Variants in EDC4 observed in about 807,000 individuals in gnomAD.
The protein encoded by EDC4 is enhancer of mRNA-decapping protein 4.
In EDC4, 64 loss-of-function variants were observed where a neutral mutation model predicts 155.8. The ratio of observed to expected loss-of-function variants is 0.41; its 90% CI spans 0.34 to 0.51. The LOEUF (loss-of-function observed/expected upper bound fraction) is 0.51. Among genes scored for constraint, EDC4 ranks in the 20% least tolerant of loss-of-function variants. EDC4 has a pLI of 0.19. For missense variants in EDC4, 1,303 were observed against 1,812.5 expected (o/e 0.72, Z 5.10); for synonymous variants, 684 against 716.8 (o/e 0.95, Z 0.73).
intron 1 of EDC4, chr16:67,873,546 G>A: frequency 2.3e-6 from 1 of 437,032 alleles, no homozygotes; most frequent in South Asian, 5.3e-5. Context: ...AGGCTGTTCT[G>A]CCTTGTCCTT....
In EDC4 at chr16:67,880,063, G is replaced by A; in HGVS notation, c.1944G>A (p.Arg648=). The A allele has an allele frequency of 2.5e-6, 4 of 1,598,140 alleles. No individual in the cohort carries two copies. The highest frequency in any genetic ancestry group is 3.4e-6 in the Non-Finnish European group (4 of 1,169,718). Reference sequence around the variant, plus strand: ...TGACACCTCAGCCTTCCCCCACCAGGCCACCTGAGGAGCTGACCTTGAGCC... The same window carrying A: ...TGACACCTCAGCCTTCCCCCACCAGACCACCTGAGGAGCTGACCTTGAGCC... The part of the protein sequence containing the change: ...STSAVDPSLT[R]PPEELTLSPK... Residue 648 remains arginine (R), a splice_region_variant and synonymous_variant, in exon 17 of 29, where the codon AGG becomes AGA. Coordinates refer to ENST00000358933, the MANE Select transcript of EDC4 (RefSeq NM_014329.5). This position sits in a 1 kb window ranked among gnomAD's most constrained non-coding sequence, Gnocchi z 5.2.
At position 67,882,944 on chromosome 16, in the gene EDC4, A is replaced by G. The variant is rs768943708; in HGVS notation, c.3630-14A>G. Reference sequence around the variant, plus strand: ...GCTCCCTGTCCACTTCACCTCACTCACTTCCCTTTGCAGCCTGCAGGAGTC... The same window carrying G: ...GCTCCCTGTCCACTTCACCTCACTCGCTTCCCTTTGCAGCCTGCAGGAGTC... On this transcript the variant is annotated splice_polypyrimidine_tract_variant and intron_variant, in intron 26 of 28. Coordinates refer to ENST00000358933, the MANE Select transcript of EDC4 (RefSeq NM_014329.5). This position sits in a 1 kb window ranked among gnomAD's most constrained non-coding sequence, Gnocchi z 7.2. 2.5e-6 allele frequency: 4 copies of G among 1,613,522 alleles called. No homozygotes were observed. In the African/African-American group the frequency reaches 5.3e-5, roughly 22 times the overall value.
In EDC4 at chr16:67,879,864, CAGCAGCAGCAGCAGCGGT is replaced by C. The variant is rs759446699; in HGVS notation, c.1852_1869del (p.Gly618_Ser623del). On this transcript the variant is annotated inframe_deletion, in exon 16 of 29. Coordinates refer to ENST00000358933, the MANE Select transcript of EDC4 (RefSeq NM_014329.5). The surrounding 1 kb of genome is among the most constrained non-coding windows in gnomAD (Gnocchi z 6.0). ...CATCTCCCCAGATCACTGCCTCTCC[CAGCAGCAGCAGCAGCGGT>C]AGCAGCAGCAGCAGCAGCAGTAGCA... 9.4e-6 allele frequency: 15 copies of C among 1,590,984 alleles called. No homozygotes were observed. Among genetic ancestry groups the C allele is most frequent in the East Asian group, 6.8e-5 (3 of 44,342 alleles).
chr16:67,874,810 G>A (rs56374641), intron 1 of EDC4, among the ~76,000 whole-genome samples: 5 of 152,024 alleles, frequency 3.3e-5, no homozygotes, highest in African/African-American at 7.3e-5. Flanking sequence ...GACTGGGCGC[G>A]GTGGCTCACA....
Position 67,876,299 on chromosome 16 carries a change from T to G in EDC4, c.240-189T>G, listed in dbSNP as rs192272387. On this transcript the variant is annotated intron_variant, in intron 2 of 28. Transcript: ENST00000358933. The surrounding 1 kb of genome is among the most constrained non-coding windows in gnomAD (Gnocchi z 5.8). Reference sequence around the variant, plus strand: ...TTTGGCCTGGATACCTGGTTTAGAATGAAAGTAGGCTCATTCCCAAGGAAG... The same window carrying G: ...TTTGGCCTGGATACCTGGTTTAGAAGGAAAGTAGGCTCATTCCCAAGGAAG... Among the ~76,000 whole-genome samples, 525 of 152,186 alleles carry G rather than the reference T, an allele frequency of 3.4e-3. 4 individuals are homozygous for G. The highest frequency in any genetic ancestry group is 8.3e-3 in the South Asian group (40 of 4,824).
Position 67,878,469 on chromosome 16 carries a change from T to C in EDC4, c.1088+26T>C. ...GTGAGTGAGTGGGCAGCCTAGTGGG[T>C]GGTGGGCTGGACCATGGCTCCCAGC... On this transcript the variant is annotated intron_variant, in intron 9 of 28. Transcript: ENST00000358933. The surrounding 1 kb of genome is among the most constrained non-coding windows in gnomAD (Gnocchi z 5.2). The C allele has an allele frequency of 6.2e-7, 1 of 1,614,030 alleles. No homozygotes were observed. Among genetic ancestry groups the C allele is most frequent in the Non-Finnish European group, 8.5e-7 (1 of 1,179,980 alleles).
At chr16:67,874,198 C>T (rs1287294480) in intron 1 of EDC4, among the ~76,000 whole-genome samples, 1 of 152,086 alleles carries the variant, frequency 6.6e-6, no homozygotes, top group Non-Finnish European at 1.5e-5. Flanking sequence ...GGAGAAGCCA[C>T]CTATTAGGAA....
intron 1 of EDC4, chr16:67,875,645 C>T (rs1188192384): frequency 2.1e-6 from 2 of 956,530 alleles, no homozygotes; most frequent in South Asian, 3.7e-5. Flanking sequence ...CCTCCTATGC[C>T]CTCACTCAGT....
At position 67,879,559 on chromosome 16, in the gene EDC4, C is replaced by T. The variant is rs2058055867; in HGVS notation, c.1634-28C>T. ...AGTTGGACTGACCAGGGTCTGAGAT[C>T]TAACTCAAGTGGCAACTTGCCCTGC... On this transcript the variant is annotated intron_variant, in intron 14 of 28. Transcript: ENST00000358933. This position sits in a 1 kb window ranked among gnomAD's most constrained non-coding sequence, Gnocchi z 6.0. 2 of 1,613,622 alleles carry T rather than the reference C, an allele frequency of 1.2e-6. No homozygotes were observed. The highest frequency in any genetic ancestry group is 1.3e-5 in the African/African-American group (1 of 74,918).
chr16:67,874,700 C>A (rs1223805336), intron 1 of EDC4, among the ~76,000 whole-genome samples: 1 of 152,300 alleles, frequency 6.6e-6, no homozygotes, highest in East Asian at 1.9e-4. Context: ...TTCCTTATAA[C>A]TACTTTGTTT....
chr16:67,882,093 G>A lies in EDC4; in HGVS notation c.3144G>A (p.Lys1048=). ...RLERSIRDEI[K]KTVPPCVSRS... Reference sequence around the variant, plus strand: ...AGCGCAGCATACGGGATGAGATCAAGAAGACAGTCCCTCCATGTGAGTTTT... The same window carrying A: ...AGCGCAGCATACGGGATGAGATCAAAAAGACAGTCCCTCCATGTGAGTTTT... Residue 1048 remains lysine (K), a synonymous_variant, in exon 23 of 29, where the codon AAG becomes AAA. Transcript: ENST00000358933. The surrounding 1 kb of genome is among the most constrained non-coding windows in gnomAD (Gnocchi z 7.2). 1 of 1,613,848 alleles carries A rather than the reference G, an allele frequency of 6.2e-7. No individual in the cohort carries two copies. The highest frequency in any genetic ancestry group is 8.5e-7 in the Non-Finnish European group (1 of 1,180,008).
chr16:67,875,880 C>G (rs1457397273), intron 1 of EDC4, 65 bp from the exon 2 acceptor site: 1 of 1,564,614 alleles, frequency 6.4e-7, no homozygotes, highest in Non-Finnish European at 8.7e-7. Context: ...GAAGGAAACT[C>G]TGAAAGGGGA....
Position 67,881,500 on chromosome 16 carries a change from T to TGCA in EDC4, c.2796_2798dup (p.Ala933dup), listed in dbSNP as rs564513017. The TGCA allele has an allele frequency of 7.9e-5, 128 of 1,614,090 alleles. 2 individuals carry two copies. In the South Asian group the frequency reaches 1.3e-3, roughly 17 times the overall value. On this transcript the variant is annotated inframe_insertion, in exon 21 of 29. Transcript: ENST00000358933. The surrounding 1 kb of genome is among the most constrained non-coding windows in gnomAD (Gnocchi z 5.4). ...AGGTGCTTCTCGCCTATGGCAGGGATGCAGCCATGGGATCCCGGCTCACAG... is the reference window on the plus strand; with the variant it reads ...AGGTGCTTCTCGCCTATGGCAGGGATGCAGCAGCCATGGGATCCCGGCTCACAG...
rs1052446073 is a variant in EDC4, at chr16:67,873,209, C to CGCG, written c.-42_-40dup. 23 of 1,289,260 alleles carry CGCG rather than the reference C, an allele frequency of 1.8e-5. No homozygotes were observed. Among genetic ancestry groups the CGCG allele is most frequent in the Middle Eastern group, 2.8e-4 (1 of 3,634 alleles). The allele number at this position is 1,289,260 out of a possible 1,614,324, so 79.9% of individuals were successfully genotyped here. ...GGCGGGTGAGCGAGGGTGCGTGGTGCGCGGCGGCGGCGGAACGAACGCGGT... is the reference window on the plus strand; with the variant it reads ...GGCGGGTGAGCGAGGGTGCGTGGTGCGCGGCGGCGGCGGCGGAACGAACGCGGT... On this transcript the variant is annotated 5_prime_UTR_variant, in exon 1 of 29. Coordinates refer to ENST00000358933, the MANE Select transcript of EDC4 (RefSeq NM_014329.5).
chr16:67,879,913 T>C lies in EDC4; in HGVS notation c.1885T>C (p.Ser629Pro), dbSNP rs768968082. 1 of 1,613,700 alleles carries C rather than the reference T, an allele frequency of 6.2e-7. No homozygotes were observed. Among genetic ancestry groups the C allele is most frequent in the South Asian group, 1.1e-5 (1 of 91,066 alleles). Residue 629 changes from serine (S) to proline (P), a missense_variant, in exon 16 of 29, where the codon TCC becomes CCC. Physicochemically the swap from Ser to Pro is moderately conservative, Grantham distance 74. Coordinates refer to ENST00000358933, the MANE Select transcript of EDC4 (RefSeq NM_014329.5). The surrounding 1 kb of genome is among the most constrained non-coding windows in gnomAD (Gnocchi z 6.0). ...CAGCAGCAGCAGCAGTAGCAGCAGC[T>C]CCCTTACAGCTGTGTCTGCCATGAG... is the stretch of plus-strand genomic sequence containing the variant. Reference protein sequence around the residue: ...SSSSSSSSSSSLTAVSAMSST... With the variant: ...SSSSSSSSSSPLTAVSAMSST...
At position 67,879,778 on chromosome 16, in the gene EDC4, C is replaced by A; in HGVS notation, c.1821+4C>A. The A allele has an allele frequency of 6.2e-7, 1 of 1,613,962 alleles. No homozygotes were observed. The highest frequency in any genetic ancestry group is 8.5e-7 in the Non-Finnish European group (1 of 1,179,886). ...ACCTAGCGCCTCCTTGCAGCAGGTA[C>A]TCTCCCAGGGTAGGGGGACCTGGGA... On this transcript the variant is annotated splice_donor_region_variant and intron_variant, in intron 15 of 28. Coordinates refer to ENST00000358933, the MANE Select transcript of EDC4 (RefSeq NM_014329.5). This position sits in a 1 kb window ranked among gnomAD's most constrained non-coding sequence, Gnocchi z 6.0.
rs1288806744 is a variant in EDC4 at position 67,879,626 on chromosome 16, T to C, written c.1673T>C (p.Leu558Pro). The C allele has an allele frequency of 6.2e-7, 1 of 1,614,022 alleles. No homozygotes were observed. The highest frequency in any genetic ancestry group is 8.5e-7 in the Non-Finnish European group (1 of 1,180,028). The change falls in exon 15 of 29, where the codon CTG becomes CCG. Residue 558 changes from leucine (L) to proline (P), a missense_variant. By Grantham distance (98) the Leu-to-Pro change is moderately conservative. Coordinates refer to ENST00000358933, the MANE Select transcript of EDC4 (RefSeq NM_014329.5). The surrounding 1 kb of genome is among the most constrained non-coding windows in gnomAD (Gnocchi z 6.0). ...ESRPELGSEG[L>P]GSAAHGSQPD... ...CGGCCCGAACTGGGCTCTGAGGGCC[T>C]GGGGTCAGCCGCTCACGGCTCCCAG...
Position 67,884,444 on chromosome 16 carries a change from A to G in EDC4, c.*296A>G. On this transcript the variant is annotated 3_prime_UTR_variant, in exon 29 of 29. Coordinates refer to ENST00000358933, the MANE Select transcript of EDC4 (RefSeq NM_014329.5). The surrounding 1 kb of genome is among the most constrained non-coding windows in gnomAD (Gnocchi z 4.1). Reference sequence around the variant, plus strand: ...ATGTTCCTTTTTACCTCTAATTTGGATCTTTTTGTTTTTGAAAAACATTGA... The same window carrying G: ...ATGTTCCTTTTTACCTCTAATTTGGGTCTTTTTGTTTTTGAAAAACATTGA... The G allele has an allele frequency of 1.9e-6, 1 of 518,806 alleles. No individual in the cohort carries two copies. The highest frequency in any genetic ancestry group is 1.9e-5 in the African/African-American group (1 of 52,024). The allele number at this position is 518,806 out of a possible 1,614,324, so 32.1% of individuals were successfully genotyped here. A position where few individuals can be genotyped will look rare whatever the true frequency, so the allele number is the denominator to read the frequency against.
At position 67,880,872 on chromosome 16, in the gene EDC4, C is replaced by G. The variant is rs1380696948; in HGVS notation, c.2413C>G (p.His805Asp). 1.2e-6 allele frequency: 2 copies of G among 1,613,962 alleles called. No homozygotes were observed. Among genetic ancestry groups the G allele is most frequent in the South Asian group, 2.2e-5 (2 of 91,086 alleles). The change falls in exon 18 of 29, where the codon CAT becomes GAT. Residue 805 changes from histidine to aspartate, a missense_variant. Transcript: ENST00000358933. The surrounding 1 kb of genome is among the most constrained non-coding windows in gnomAD (Gnocchi z 5.2). ...TGGAGGCCCTGGGGATGGAGATCGGCATAATACCCCCTCCCTCCTGGAGGC... is the reference window on the plus strand; with the variant it reads ...TGGAGGCCCTGGGGATGGAGATCGGGATAATACCCCCTCCCTCCTGGAGGC... ...LDGGPGDGDR[H>D]NTPSLLEAAL...
Sources: allele counts gnomAD v4.1 joint callset (sites outside exome capture counted in the v4.1 genomes callset), GRCh38; gene constraint gnomAD v4.1.1; non-coding constraint Gnocchi (gnomAD v3.1); transcripts MANE v1.5; gene names NCBI Gene and HGNC (gene_info 2026-07-23, HGNC 2026-07-21).